The following REC114 variants were observed in gnomAD, a reference collection of about 807,000 sequenced individuals.
The protein encoded by REC114 is meiotic recombination protein REC114.
REC114 carries 27 observed loss-of-function variants against 31.3 expected under a neutral mutation model. The ratio of observed to expected loss-of-function variants is 0.86; its 90% CI spans 0.64 to 1.19. REC114 has a LOEUF of 1.19. Ranked by LOEUF, REC114 falls within the 50% of genes most tolerant of loss-of-function variation. REC114 has a pLI of 0.00. For missense variants in REC114, 344 were observed against 326.9 expected (o/e 1.05, Z -0.40); for synonymous variants, 134 against 127.7 (o/e 1.05, Z -0.33).
At chr15:73,453,380 A>G (rs1892877472) in intron 1 of REC114, among the ~76,000 whole-genome samples, 2 of 152,254 alleles carry the variant, frequency 1.3e-5, no homozygotes, top group African/African-American at 2.4e-5. Flanking sequence ...GCTCGTCATC[A>G]CTGGTCATTA....
At chr15:73,480,835 AC>A (rs1444901439) in intron 2 of REC114, among the ~76,000 whole-genome samples, 2 of 151,936 alleles carry the variant, frequency 1.3e-5, no homozygotes, top group Non-Finnish European at 2.9e-5. Flanking sequence ...CCACCACCAC[AC>A]CCAGCTAACT....
At chr15:73,444,581 A>G (rs1185071200) in intron 1 of REC114, among the ~76,000 whole-genome samples, 1 of 152,172 alleles carries the variant, frequency 6.6e-6, no homozygotes, top group Non-Finnish European at 1.5e-5. Context: ...TGCTCTTTCA[A>G]CACATCTGCA....
At chr15:73,519,832 A>G (rs551234268) in intron 2 of REC114, among the ~76,000 whole-genome samples, 2 of 152,360 alleles carry the variant, frequency 1.3e-5, no homozygotes, top group East Asian at 3.9e-4. Flanking sequence ...TACATAGATG[A>G]GCCTTGAGGA....
At chr15:73,459,424 G>A (rs1192050452) in intron 1 of REC114, among the ~76,000 whole-genome samples, 1 of 151,834 alleles carries the variant, frequency 6.6e-6, no homozygotes, top group Non-Finnish European at 1.5e-5. Flanking sequence ...AGTAGAGACG[G>A]TTTCACCATG....
chr15:73,556,335 G>T lies in REC114; in HGVS notation c.580G>T (p.Val194Leu), dbSNP rs200297290. Residue 194 changes from valine to leucine, a missense_variant, in exon 5 of 6, where the codon GTA (valine) becomes TTA (leucine). Coordinates refer to ENST00000331090, the MANE Select transcript of REC114 (RefSeq NM_001042367.2). ...HQHSEQQQVC[V>L]TAGTGAPDGR... ...GCACTCAGAACAACAGCAAGTGTGT[G>T]TAACAGCGGGCACAGGCGCTCCAGA... The T allele has an allele frequency of 7.9e-5, 127 of 1,613,822 alleles. No individual in the cohort carries two copies. Among genetic ancestry groups the T allele is most frequent in the East Asian group, 6.5e-4 (29 of 44,882 alleles).
intron 2 of REC114, among the ~76,000 whole-genome samples, chr15:73,501,641 C>T (rs527655405): frequency 1.6e-4 from 25 of 152,232 alleles, no homozygotes; most frequent in African/African-American, 5.8e-4. Flanking sequence ...GCTGGGGTTT[C>T]GTCATGTTGG....
At chr15:73,500,229 T>C (rs1893585218) in intron 2 of REC114, among the ~76,000 whole-genome samples, 1 of 152,184 alleles carries the variant, frequency 6.6e-6, no homozygotes, top group South Asian at 2.1e-4. Context: ...TTTTCACCTG[T>C]TCTCTATGCC....
intron 1 of REC114, among the ~76,000 whole-genome samples, chr15:73,450,250 G>A (rs558596471): frequency 3.0e-4 from 45 of 152,092 alleles, no homozygotes; most frequent in Middle Eastern, 3.4e-3. Context: ...CCCATCTCAC[G>A]TGCAAAGATA....
chr15:73,519,113 T>C (rs1893902205), intron 2 of REC114, among the ~76,000 whole-genome samples: 1 of 152,222 alleles, frequency 6.6e-6, no homozygotes, highest in South Asian at 2.1e-4. Context: ...GGTGCTATGG[T>C]CTGAATGTTT....
At chr15:73,492,413 A>G (rs189883925) in intron 2 of REC114, among the ~76,000 whole-genome samples, 14 of 152,290 alleles carry the variant, frequency 9.2e-5, no homozygotes, top group African/African-American at 3.4e-4. Context: ...GCAATCTCAA[A>G]TTTTTAGCTA....
intron 2 of REC114, among the ~76,000 whole-genome samples, chr15:73,505,646 C>A (rs1000229782): frequency 1.3e-5 from 2 of 152,148 alleles, no homozygotes; most frequent in African/African-American, 4.8e-5. Flanking sequence ...ATTCTCCTGC[C>A]TCAGCCTCCT....
chr15:73,489,680 G>A (rs1416981583), intron 2 of REC114, among the ~76,000 whole-genome samples: 1 of 151,010 alleles, frequency 6.6e-6, no homozygotes, highest in Non-Finnish European at 1.5e-5. Flanking sequence ...TTCAACATTT[G>A]AATTTAGGGG....
Position 73,485,188 on chromosome 15 carries a change from A to G in REC114, c.249+11267A>G, listed in dbSNP as rs187467666. ...AACCTCTGCCTCCCAGGTTCAAGCG[A>G]TTCTCCTGCCTCAGCCTCCCGAGTA... On this transcript the variant is annotated intron_variant, in intron 2 of 5. Transcript: ENST00000331090. Among the ~76,000 whole-genome samples, 1,330 of 152,230 alleles carry G rather than the reference A, an allele frequency of 8.7e-3. 19 individuals are homozygous for G. Among genetic ancestry groups the G allele is most frequent in the African/African-American group, 0.03 (1,252 of 41,544 alleles).
chr15:73,459,478 C>T (rs1434386738), intron 1 of REC114, among the ~76,000 whole-genome samples: 3 of 152,076 alleles, frequency 2.0e-5, no homozygotes, highest in African/African-American at 4.8e-5. Flanking sequence ...ATGATCCACC[C>T]GCCTTAGCCT....
At chr15:73,506,525 A>G (rs924833706) in intron 2 of REC114, among the ~76,000 whole-genome samples, 6 of 152,226 alleles carry the variant, frequency 3.9e-5, no homozygotes, top group African/African-American at 1.2e-4. Context: ...AGTGCTATAT[A>G]TAATAATTCA....
chr15:73,538,489 C>A (rs1894191874), intron 2 of REC114, among the ~76,000 whole-genome samples: 1 of 125,456 alleles, frequency 8.0e-6, no homozygotes, highest in Admixed American at 1.0e-4. Context: ...CAGAGGCTTG[C>A]TCTTTCGCCC....
intron 1 of REC114, among the ~76,000 whole-genome samples, chr15:73,460,355 C>G (rs567961592): frequency 2.6e-5 from 4 of 152,128 alleles, no homozygotes; most frequent in African/African-American, 9.6e-5. Flanking sequence ...ATTCTTTATC[C>G]ACTATGTGCC....
intron 2 of REC114, among the ~76,000 whole-genome samples, chr15:73,535,621 A>G (rs1302865555): frequency 2.7e-5 from 4 of 146,808 alleles, no homozygotes; most frequent in Admixed American, 1.4e-4. Context: ...TACAGATTCA[A>G]TGCCATCCCC....
chr15:73,463,165 A>AT (rs1893013677), intron 1 of REC114, among the ~76,000 whole-genome samples: 2 of 152,176 alleles, frequency 1.3e-5, no homozygotes, highest in Admixed American at 1.3e-4. Context: ...ATTGTGATTG[A>AT]TTGGTGTATC....
Sources: gnomAD v4.1 joint callset for allele counts (sites outside exome capture counted in the v4.1 genomes callset) on GRCh38, gnomAD v4.1.1 for gene constraint, MANE v1.5 for transcripts, NCBI Gene and HGNC (gene_info 2026-07-23, HGNC 2026-07-21) for gene names.